BCAS1: variants seen among roughly 807,000 people sequenced by gnomAD.
The protein encoded by BCAS1 is breast carcinoma-amplified sequence 1.
BCAS1 carries 46 observed loss-of-function variants against 65.4 expected under a neutral mutation model. The ratio of observed to expected loss-of-function variants is 0.70; its 90% CI spans 0.55 to 0.90. The LOEUF (loss-of-function observed/expected upper bound fraction) is 0.90, where lower values mean the gene tolerates loss of function less well. Among genes scored for constraint, BCAS1 ranks in the 40% least tolerant of loss-of-function variants. BCAS1 has a pLI of 0.00. For missense variants in BCAS1, 793 were observed against 771.2 expected, an observed-to-expected ratio of 1.03 and a Z score of -0.33; for synonymous variants, 298 against 293.5, an observed-to-expected ratio of 1.02 and a Z score of -0.16.
At chr20:53,993,401 A>G (rs1321880922) in intron 6 of BCAS1, among the ~76,000 whole-genome samples, 1 of 152,240 alleles carries the variant, frequency 6.6e-6, no homozygotes, top group East Asian at 1.9e-4. Flanking sequence ...GCAAGGTATG[A>G]GAACCAGGTT....
chr20:54,023,939 T>C (rs1359364025), intron 4 of BCAS1, among the ~76,000 whole-genome samples: 1 of 152,172 alleles, frequency 6.6e-6, no homozygotes, highest in East Asian at 1.9e-4. Context: ...AAAAGTAAAA[T>C]GTGAAGTAGA....
chr20:54,036,924 C>T (rs1276672254), intron 3 of BCAS1, among the ~76,000 whole-genome samples: 1 of 151,216 alleles, frequency 6.6e-6, no homozygotes, highest in Admixed American at 6.6e-5. Flanking sequence ...AAATGTTTAT[C>T]ATTTTCAAAG....
At chr20:54,063,182 T>C (rs1185617267) in intron 1 of BCAS1, among the ~76,000 whole-genome samples, 1 of 152,188 alleles carries the variant, frequency 6.6e-6, no homozygotes, top group African/African-American at 2.4e-5. Flanking sequence ...TATGTAGACA[T>C]CAGTGTAGCA....
At chr20:53,970,070 T>C (rs2090140652) in intron 9 of BCAS1, among the ~76,000 whole-genome samples, 1 of 151,630 alleles carries the variant, frequency 6.6e-6, no homozygotes. Context: ...AAGTATTCTG[T>C]CTTTGAGGCA....
At chr20:54,043,257 T>C (rs1020710715) in intron 3 of BCAS1, among the ~76,000 whole-genome samples, 1 of 152,122 alleles carries the variant, frequency 6.6e-6, no homozygotes. Flanking sequence ...TGAAATTGGT[T>C]ACAGGATTTC....
At chr20:54,069,980 C>T (rs2092495421) in intron 1 of BCAS1, among the ~76,000 whole-genome samples, 1 of 152,204 alleles carries the variant, frequency 6.6e-6, no homozygotes, top group South Asian at 2.1e-4. Flanking sequence ...TCACAAAAGG[C>T]ACTCCACAAG....
intron 9 of BCAS1, among the ~76,000 whole-genome samples, 153 bp downstream of exon 9, chr20:53,975,236 G>T (rs920160499): frequency 6.6e-6 from 1 of 152,054 alleles, no homozygotes; most frequent in Admixed American, 6.6e-5. Context: ...TCCTCCATGC[G>T]TCCCTAATCA....
intron 4 of BCAS1, among the ~76,000 whole-genome samples, chr20:54,022,203 G>A (rs1446211837): frequency 6.6e-6 from 1 of 152,156 alleles, no homozygotes; most frequent in African/African-American, 2.4e-5. Flanking sequence ...GAACCAACCT[G>A]AACTCCCCTA....
chr20:54,028,801 C>T lies in BCAS1; in HGVS notation c.314G>A (p.Gly105Glu). Residue 105 changes from glycine to glutamate, a missense_variant, in exon 4 of 13, where the codon GGA (glycine) becomes GAA (glutamate). Coordinates refer to ENST00000688948, the MANE Select transcript of BCAS1 (RefSeq NM_001366298.2). ...FFLMLSRPVP[G>E]RTGDQAADSS... Reference sequence around the variant, plus strand: ...ATCTGCGGCTTGGTCTCCGGTACGTCCTGGTACAGGCCGAGAGAGCATCAA... The same window carrying T: ...ATCTGCGGCTTGGTCTCCGGTACGTTCTGGTACAGGCCGAGAGAGCATCAA... The T allele has an allele frequency of 6.2e-7, 1 of 1,614,160 alleles. No homozygotes were observed.
At chr20:53,997,765 G>A (rs997111170) in intron 4 of BCAS1, among the ~76,000 whole-genome samples, 10 of 152,154 alleles carry the variant, frequency 6.6e-5, no homozygotes, top group African/African-American at 1.9e-4. Flanking sequence ...GACCTAAAAC[G>A]TATCCGGGCT....
chr20:54,066,223 C>T (rs529241691), intron 1 of BCAS1, among the ~76,000 whole-genome samples: 1 of 152,272 alleles, frequency 6.6e-6, no homozygotes, highest in South Asian at 2.1e-4. Flanking sequence ...CAGGCGCCTG[C>T]CACCACGCCC....
intron 3 of BCAS1, among the ~76,000 whole-genome samples, chr20:54,033,226 C>G (rs1423454541): frequency 6.6e-6 from 1 of 150,960 alleles, no homozygotes; most frequent in Non-Finnish European, 1.5e-5. Context: ...AATCTAACCT[C>G]ACAACTACAG....
At position 54,058,738 on chromosome 20, in the gene BCAS1, A is replaced by C; in HGVS notation, c.-5-15T>G. On this transcript the variant is annotated splice_polypyrimidine_tract_variant and intron_variant, in intron 1 of 12. Transcript: ENST00000688948. ...ACCCATTGCTCCTATAATGGAGAGA[A>C]AGAGAGGAAGAGAGAAAGAAATCAA... The C allele has an allele frequency of 6.2e-7, 1 of 1,606,596 alleles. No homozygotes were observed. Among genetic ancestry groups the C allele is most frequent in the Non-Finnish European group, 8.5e-7 (1 of 1,178,402 alleles).
At chr20:53,967,591 C>T (rs928173956) in intron 9 of BCAS1, among the ~76,000 whole-genome samples, 15 of 152,294 alleles carry the variant, frequency 9.8e-5, no homozygotes, top group African/African-American at 3.1e-4. Flanking sequence ...CCTCATTAAG[C>T]GATATCTAAT....
At chr20:53,959,912 G>T (rs1237525130) in intron 10 of BCAS1, among the ~76,000 whole-genome samples, 1 of 152,148 alleles carries the variant, frequency 6.6e-6, no homozygotes, top group Non-Finnish European at 1.5e-5. Context: ...AAAAAGAAAT[G>T]AACTGTTGGC....
chr20:54,025,278 G>T (rs1316574317), intron 4 of BCAS1, among the ~76,000 whole-genome samples: 1 of 152,146 alleles, frequency 6.6e-6, no homozygotes, highest in South Asian at 2.1e-4. Flanking sequence ...GTGTGTGTGT[G>T]TGTTGAATCT....
intron 10 of BCAS1, among the ~76,000 whole-genome samples, chr20:53,963,896 A>G (rs1168063091): frequency 6.6e-6 from 1 of 152,236 alleles, no homozygotes; most frequent in Non-Finnish European, 1.5e-5. Flanking sequence ...GTGTGTGAGG[A>G]TCTTCATACA....
intron 4 of BCAS1, among the ~76,000 whole-genome samples, chr20:54,011,955 A>G (rs567189474): frequency 3.7e-4 from 57 of 152,256 alleles, no homozygotes; most frequent in Middle Eastern, 3.4e-3. Context: ...TCACACAAAA[A>G]CCTATGCATT....
intron 11 of BCAS1, among the ~76,000 whole-genome samples, chr20:53,954,210 C>T (rs2089623540): frequency 6.6e-6 from 1 of 151,890 alleles, no homozygotes; most frequent in South Asian, 2.1e-4. Context: ...AAATGTAAGA[C>T]TGGAGCTTCC....
Sources: gnomAD v4.1 joint callset for allele counts (sites outside exome capture counted in the v4.1 genomes callset) on GRCh38, gnomAD v4.1.1 for gene constraint, MANE v1.5 for transcripts, NCBI Gene and HGNC (gene_info 2026-07-23, HGNC 2026-07-21) for gene names.